Variants in DIP2C observed in about 807,000 individuals in gnomAD.
DIP2C encodes DIP2 acetate--CoA ligase C (putative).
DIP2C carries 33 observed loss-of-function variants against 192.4 expected under a neutral mutation model. The ratio of observed to expected loss-of-function variants is 0.17; its 90% CI spans 0.13 to 0.23. The LOEUF (loss-of-function observed/expected upper bound fraction) is 0.23. Ranked by LOEUF, DIP2C falls within the 10% of genes least tolerant of loss-of-function variation. DIP2C has a pLI of 1.00. For missense variants in DIP2C, 1,537 were observed against 2,110.1 expected (o/e 0.73, Z 5.32); for synonymous variants, 979 against 864.1 (o/e 1.13, Z -2.33).
At chr10:455,085 G>C (rs1481273774) in intron 3 of DIP2C, among the ~76,000 whole-genome samples, 1 of 152,310 alleles carries the variant, frequency 6.6e-6, no homozygotes, top group South Asian at 2.1e-4. Flanking sequence ...CAACAGAAGA[G>C]AATGTTCCTC....
chr10:357,856 T>TGAC lies in DIP2C; in HGVS notation c.2873_2875dup (p.Gly958_Gln959insArg). The TGAC allele has an allele frequency of 6.2e-7, 1 of 1,612,676 alleles. No individual in the cohort carries two copies. The highest frequency in any genetic ancestry group is 8.5e-7 in the Non-Finnish European group (1 of 1,179,872). ...GCGTGCCTGGTCGTTATCTTCGATC[T>TGAC]GACCCAGGTCTCTGCCACTGGCCTG... On this transcript the variant is annotated inframe_insertion, in exon 23 of 37. Transcript: ENST00000280886.
intron 1 of DIP2C, among the ~76,000 whole-genome samples, chr10:619,305 A>C (rs888760617): frequency 2.0e-5 from 3 of 152,194 alleles, no homozygotes; most frequent in African/African-American, 7.2e-5. Flanking sequence ...ACATTTCTGG[A>C]AACTGGAATC....
In DIP2C at chr10:666,467, A is replaced by G. The variant is rs986222666; in HGVS notation, c.85+23027T>C. 1 of 152,304 alleles carries G rather than the reference A, an allele frequency of 6.6e-6. No homozygotes were observed. Among genetic ancestry groups the G allele is most frequent in the African/African-American group, 2.4e-5 (1 of 41,410 alleles). 9.4% of individuals were successfully genotyped at this position (152,304 alleles called of 1,614,324 possible). On this transcript the variant is annotated intron_variant, in intron 1 of 36. Transcript: ENST00000280886. This position sits in a 1 kb window ranked among gnomAD's most constrained non-coding sequence, Gnocchi z 4.1. ...GAGCCCGGCCCGCGGCAGCAGAATC[A>G]CCCAAGACTGAGATCCTGTGGCCTG...
At chr10:502,010 A>G (rs1845266241) in intron 1 of DIP2C, among the ~76,000 whole-genome samples, 1 of 152,110 alleles carries the variant, frequency 6.6e-6, no homozygotes, top group Admixed American at 6.6e-5. Context: ...ATTGGGTATG[A>G]CAGCATGCAC....
intron 1 of DIP2C, among the ~76,000 whole-genome samples, chr10:645,237 AG>A (rs1163947128): frequency 6.6e-6 from 1 of 152,208 alleles, no homozygotes; most frequent in Non-Finnish European, 1.5e-5. Context: ...CTGAGTCTCC[AG>A]AAGCAGCCAA....
chr10:507,429 G>T (rs1454000424), intron 1 of DIP2C, among the ~76,000 whole-genome samples: 3 of 151,634 alleles, frequency 2.0e-5, no homozygotes, highest in African/African-American at 7.3e-5. Context: ...TGAGGTTAGG[G>T]ACCTGGTCAC....
At chr10:642,597 G>A (rs888636001) in intron 1 of DIP2C, among the ~76,000 whole-genome samples, 2 of 152,252 alleles carry the variant, frequency 1.3e-5, no homozygotes, top group African/African-American at 2.4e-5. Context: ...TCTGCTCACT[G>A]ATGACCAGAG....
At chr10:347,774 A>G (rs578135841) in intron 26 of DIP2C, among the ~76,000 whole-genome samples, 2 of 136,756 alleles carry the variant, frequency 1.5e-5, no homozygotes, top group African/African-American at 5.6e-5. Context: ...ACCCAGACAC[A>G]TCGCGCATAG....
At position 311,431 on chromosome 10, in the gene DIP2C, G is replaced by T. The variant is rs184297015; in HGVS notation, c.3925-1339C>A. ...ATGATCACAGGGCCTGCAGACCCCC[G>T]GCCAATCTCTGCACTCAACTGCTAG... On this transcript the variant is annotated intron_variant, in intron 31 of 36. Transcript: ENST00000280886. The T allele has an allele frequency of 3.2e-3, 3,311 of 1,039,660 alleles. 9 individuals carry two copies. The highest frequency in any genetic ancestry group is 9.9e-3 in the Middle Eastern group (28 of 2,822). 64.4% of individuals were successfully genotyped at this position (1,039,660 alleles called of 1,614,324 possible).
In DIP2C at chr10:341,188, A is replaced by G. The variant is rs758971320; in HGVS notation, c.3584+11T>C. The G allele has an allele frequency of 2.5e-6, 4 of 1,613,770 alleles. No homozygotes were observed. The Admixed American group carries it at 6.7e-5, about 27-fold the overall frequency. ...TTTTTTTTAATGTAAAGATATAGAG[A>G]GGCATCTTACCTGCAGAGGCACCAG... On this transcript the variant is annotated intron_variant, in intron 29 of 36. Coordinates refer to ENST00000280886, the MANE Select transcript of DIP2C (RefSeq NM_014974.3).
rs747144333 is a variant in DIP2C at position 275,227 on chromosome 10, C to T, written c.*2098G>A. On this transcript the variant is annotated 3_prime_UTR_variant, in exon 37 of 37. Coordinates refer to ENST00000280886, the MANE Select transcript of DIP2C (RefSeq NM_014974.3). ...GCAGCTAATGTTTCATAGTCAGTGC[C>T]TGGCCTGAAGCCCCAAACCTACCTC... 6 of 152,366 alleles carry T rather than the reference C, an allele frequency of 3.9e-5. No individual in the cohort carries two copies. The highest frequency in any genetic ancestry group is 9.6e-5 in the African/African-American group (4 of 41,584). The allele number at this position is 152,366 out of a possible 1,614,324, so 9.4% of individuals were successfully genotyped here. A position where few individuals can be genotyped will look rare whatever the true frequency, so the allele number is the denominator to read the frequency against.
chr10:397,958 A>G (rs1398843943), intron 10 of DIP2C, among the ~76,000 whole-genome samples: 1 of 152,182 alleles, frequency 6.6e-6, no homozygotes, highest in African/African-American at 2.4e-5. Context: ...TTGACCAGCA[A>G]TGGCATTAAA....
intron 6 of DIP2C, among the ~76,000 whole-genome samples, 200 bp downstream of exon 6, chr10:418,865 A>T (rs556482900): frequency 6.6e-6 from 1 of 152,376 alleles, no homozygotes; most frequent in East Asian, 1.9e-4. Context: ...CCTACAAGGA[A>T]TAACTGTGGG....
At chr10:348,911 G>A in intron 25 of DIP2C, 149 bp from the exon 26 acceptor site, 2 of 1,227,786 alleles carry the variant, frequency 1.6e-6, no homozygotes, top group Non-Finnish European at 2.2e-6. Flanking sequence ...GGCGGGTTTT[G>A]TCAGCTTTGG....
At chr10:513,968 A>T (rs1846189774) in intron 1 of DIP2C, among the ~76,000 whole-genome samples, 1 of 152,244 alleles carries the variant, frequency 6.6e-6, no homozygotes, top group South Asian at 2.1e-4. Flanking sequence ...CAGTGCTGAA[A>T]TGTGTACAGT....
At chr10:631,681 T>A (rs948637116) in intron 1 of DIP2C, among the ~76,000 whole-genome samples, 2 of 152,226 alleles carry the variant, frequency 1.3e-5, no homozygotes, top group African/African-American at 4.8e-5. Context: ...ATGCTAAATG[T>A]CACTTCTCCA....
rs751856967 is a variant in DIP2C at position 689,550 on chromosome 10, G to C, written c.29C>G (p.Ala10Gly). 7.8e-7 allele frequency: 1 copy of C among 1,278,940 alleles called. No homozygotes were observed. Among genetic ancestry groups the C allele is most frequent in the Non-Finnish European group, 1.0e-6 (1 of 995,858 alleles). 79.2% of individuals were successfully genotyped at this position (1,278,940 alleles called of 1,614,324 possible). A position where few individuals can be genotyped will look rare whatever the true frequency, so the allele number is the denominator to read the frequency against. The part of the protein sequence containing the change: MADRSLEGM[A>G]LPLEVRARLA... ...GCGCGCCCGCACCTCCAGGGGCAGCGCCATGCCCTCCAGGCTGCGGTCCGC... is the reference window on the plus strand; with the variant it reads ...GCGCGCCCGCACCTCCAGGGGCAGCCCCATGCCCTCCAGGCTGCGGTCCGC... The change falls in exon 1 of 37, where the codon GCG becomes GGG. Residue 10 changes from alanine to glycine, a missense_variant. Physicochemically the swap from Ala to Gly is moderately conservative, Grantham distance 60. Transcript: ENST00000280886. The surrounding 1 kb of genome is among the most constrained non-coding windows in gnomAD (Gnocchi z 6.1).
chr10:537,196 C>A (rs1243066285), intron 1 of DIP2C, among the ~76,000 whole-genome samples: 2 of 151,654 alleles, frequency 1.3e-5, no homozygotes, highest in African/African-American at 2.4e-5. Flanking sequence ...GGGATCTTGG[C>A]CCCTGTGACA....
At position 544,746 on chromosome 10, in the gene DIP2C, T is replaced by C. The variant is rs78425633; in HGVS notation, c.86-58216A>G. 6.4e-3 allele frequency among the ~76,000 whole-genome samples: 969 copies of C among 152,374 alleles called. 11 individuals carry two copies. The highest frequency in any genetic ancestry group is 0.021 in the African/African-American group (886 of 41,594). ...TATGTATCTTTCTTTGGAGAATGTCTATTCAAATCCTTTGTCCATTTTTAA... is the reference window on the plus strand; with the variant it reads ...TATGTATCTTTCTTTGGAGAATGTCCATTCAAATCCTTTGTCCATTTTTAA... On this transcript the variant is annotated intron_variant, in intron 1 of 36. Coordinates refer to ENST00000280886, the MANE Select transcript of DIP2C (RefSeq NM_014974.3).
Sources: gnomAD v4.1 joint callset for allele counts (sites outside exome capture counted in the v4.1 genomes callset) on GRCh38, gnomAD v4.1.1 for gene constraint, Gnocchi (gnomAD v3.1) non-coding constraint, MANE v1.5 for transcripts, NCBI Gene and HGNC (gene_info 2026-07-23, HGNC 2026-07-21) for gene names.